The following MYO1E variants were observed in gnomAD, a reference collection of about 807,000 sequenced individuals.
The protein encoded by MYO1E is unconventional myosin-Ie.
In MYO1E, 68 loss-of-function variants were observed where a neutral mutation model predicts 151.1. That is an observed-to-expected ratio of 0.45 (90% CI 0.37 to 0.55). MYO1E has a LOEUF of 0.55. Ranked by LOEUF, MYO1E falls within the 20% of genes least tolerant of loss-of-function variation. The pLI is 0.00. For missense variants in MYO1E, 1,363 were observed against 1,389.3 expected, an observed-to-expected ratio of 0.98 and a Z score of 0.30; for synonymous variants, 601 against 501.7, an observed-to-expected ratio of 1.20 and a Z score of -2.64.
chr15:59,300,380 G>C (rs2140403175), intron 1 of MYO1E, among the ~76,000 whole-genome samples: 1 of 152,160 alleles, frequency 6.6e-6, no homozygotes, highest in Admixed American at 6.5e-5. Flanking sequence ...CATTTCTGGT[G>C]TGCACACACA....
intron 1 of MYO1E, chr15:59,359,615 T>TA (rs2080874571): frequency 6.6e-6 from 1 of 152,376 alleles, no homozygotes; most frequent in African/African-American, 2.4e-5. Context: ...ACCTCATCTC[T>TA]AAAAAGAGGA....
intron 1 of MYO1E, among the ~76,000 whole-genome samples, chr15:59,347,571 A>G: frequency 6.6e-6 from 1 of 152,334 alleles, no homozygotes; most frequent in East Asian, 1.9e-4. Flanking sequence ...TGCCAAAAAT[A>G]AAAATTAAAA....
Position 59,188,167 on chromosome 15 carries a change from T to C in MYO1E, c.1855A>G (p.Arg619Gly). Reference sequence around the variant, plus strand: ...CGCCGATAGGCATAGCCAGCTCTTCTCACTCGAATGTTCTCTTTCAGACCC... The same window carrying C: ...CGCCGATAGGCATAGCCAGCTCTTCCCACTCGAATGTTCTCTTTCAGACCC... ...YLGLKENIRV[R>G]RAGYAYRRIF... The change falls in exon 18 of 28, where the codon AGA (arginine) becomes GGA (glycine). Residue 619 changes from arginine (R) to glycine (G), a missense_variant. Arg to Gly is a moderately radical substitution (Grantham distance 125, BLOSUM62 -2). Coordinates refer to ENST00000288235, the MANE Select transcript of MYO1E (RefSeq NM_004998.4). The C allele has an allele frequency of 6.2e-7, 1 of 1,614,208 alleles. No homozygotes were observed. Among genetic ancestry groups the C allele is most frequent in the East Asian group, 2.2e-5 (1 of 44,888 alleles).
In MYO1E at chr15:59,371,368, A is replaced by C. The variant is rs375274979; in HGVS notation, c.3+1130T>G. Reference sequence around the variant, plus strand: ...AACAACAGCAAACCAGAAGAGGACGAGATAATCCACCTAAGCAGGACTACT... The same window carrying C: ...AACAACAGCAAACCAGAAGAGGACGCGATAATCCACCTAAGCAGGACTACT... On this transcript the variant is annotated intron_variant, in intron 1 of 27. Transcript: ENST00000288235. Among the ~76,000 whole-genome samples, 80 of 152,244 alleles carry C rather than the reference A, an allele frequency of 5.3e-4. 2 individuals are homozygous for C. The highest frequency in any genetic ancestry group is 4.8e-3 in the South Asian group (23 of 4,824).
At chr15:59,228,704 C>T (rs1596375621) in intron 6 of MYO1E, among the ~76,000 whole-genome samples, 1 of 152,114 alleles carries the variant, frequency 6.6e-6, no homozygotes, top group Non-Finnish European at 1.5e-5. Context: ...ATCGCATTCA[C>T]ATTTAATAAC....
At chr15:59,171,620 T>C (rs1371127294) in intron 22 of MYO1E, among the ~76,000 whole-genome samples, 1 of 152,122 alleles carries the variant, frequency 6.6e-6, no homozygotes, top group Non-Finnish European at 1.5e-5. Context: ...ATATACCGGG[T>C]TCATTTCTAA....
At chr15:59,367,827 A>G (rs2080923043) in intron 1 of MYO1E, among the ~76,000 whole-genome samples, 1 of 152,164 alleles carries the variant, frequency 6.6e-6, no homozygotes, top group Non-Finnish European at 1.5e-5. Flanking sequence ...TCACATATAA[A>G]AATTGGCAGA....
rs781481425 is a variant in MYO1E, at chr15:59,224,686, T to C, written c.777+3A>G. 9.9e-6 allele frequency: 16 copies of C among 1,614,188 alleles called. No individual in the cohort carries two copies. The South Asian group carries it at 1.2e-4, about 12-fold the overall frequency. The stretch of plus-strand genomic sequence containing the variant: ...TCCTGCCTGGCCCTGCGCCAGCACT[T>C]ACCAGAGTTTCCTGAAACTCCCGCC... On this transcript the variant is annotated splice_donor_region_variant and intron_variant, in intron 8 of 27. Transcript: ENST00000288235.
In MYO1E at chr15:59,320,080, C is replaced by CA. The variant is rs534908002; in HGVS notation, c.4-47632dup. Among the ~76,000 whole-genome samples, 1,312 of 152,006 alleles carry CA rather than the reference C, an allele frequency of 8.6e-3. 10 individuals carry two copies. Among genetic ancestry groups the CA allele is most frequent in the Middle Eastern group, 0.024 (7 of 294 alleles). ...AAGAATGCAATCCCATTGACAATAG[C>CA]AAAAAAACTAAAATACTTAGGAATA... On this transcript the variant is annotated intron_variant, in intron 1 of 27. Transcript: ENST00000288235.
intron 26 of MYO1E, among the ~76,000 whole-genome samples, chr15:59,150,835 CA>C (rs1360297927): frequency 6.6e-6 from 1 of 152,156 alleles, no homozygotes; most frequent in Non-Finnish European, 1.5e-5. Context: ...CCCAGACCTA[CA>C]GAATCAGAAA....
chr15:59,256,171 A>C, intron 4 of MYO1E, 113 bp downstream of exon 4: 1 of 779,272 alleles, frequency 1.3e-6, no homozygotes, highest in South Asian at 1.4e-5. Context: ...CAGACACATT[A>C]ACCAGGCTGT....
Position 59,153,807 on chromosome 15 carries a change from GA to G in MYO1E, c.2879-17del. 1 of 1,607,560 alleles carries G rather than the reference GA, an allele frequency of 6.2e-7. No individual in the cohort carries two copies. Among genetic ancestry groups the G allele is most frequent in the Non-Finnish European group, 8.5e-7 (1 of 1,174,032 alleles). ...TGATGGTATCCTAGAGAGAGGAACA[GA>G]GAAGGAAATAAGGCTCAGATTTTTG... On this transcript the variant is annotated splice_polypyrimidine_tract_variant and intron_variant, in intron 25 of 27. Transcript: ENST00000288235.
intron 12 of MYO1E, 55 bp downstream of exon 12, chr15:59,214,173 T>G (rs116040673): frequency 7.0e-7 from 1 of 1,434,984 alleles, no homozygotes; most frequent in African/African-American, 1.4e-5. Context: ...ATCTATACCC[T>G]CTTAAACAAA....
chr15:59,150,374 T>G (rs1456599826), intron 26 of MYO1E, among the ~76,000 whole-genome samples: 1 of 152,202 alleles, frequency 6.6e-6, no homozygotes, highest in African/African-American at 2.4e-5. Flanking sequence ...GGGAGCAGCC[T>G]TGGTTAAGAC....
intron 1 of MYO1E, among the ~76,000 whole-genome samples, chr15:59,360,714 G>A (rs528675557): frequency 1.3e-5 from 2 of 152,142 alleles, no homozygotes; most frequent in South Asian, 2.1e-4. Flanking sequence ...CTTCAGCTCC[G>A]ATTCCTCATG....
chr15:59,138,067 A>G, intron 27 of MYO1E, 131 bp downstream of exon 27: 1 of 1,103,044 alleles, frequency 9.1e-7, no homozygotes, highest in Non-Finnish European at 1.4e-6. Flanking sequence ...ACTGAGCCTG[A>G]GGCCTGACCT....
chr15:59,161,026 C>T lies in MYO1E; in HGVS notation c.2785+47G>A, dbSNP rs372543356. ...GTTTGCAGCATTTGCTCGGGAGACT[C>T]GGGGGAGCGGCGGCAGTTCTGCCTG... On this transcript the variant is annotated intron_variant, in intron 24 of 27. Coordinates refer to ENST00000288235, the MANE Select transcript of MYO1E (RefSeq NM_004998.4). 2.4e-5 allele frequency: 38 copies of T among 1,610,358 alleles called. 1 individual carries two copies. The highest frequency in any genetic ancestry group is 1.6e-4 in the South Asian group (15 of 90,940).
intron 1 of MYO1E, among the ~76,000 whole-genome samples, chr15:59,337,659 C>T (rs2080737391): frequency 1.3e-5 from 2 of 152,128 alleles, no homozygotes; most frequent in South Asian, 2.1e-4. Context: ...GGAGAAACCC[C>T]GTCTCTACTA....
chr15:59,278,264 G>A (rs1023323686), intron 1 of MYO1E, among the ~76,000 whole-genome samples: 25 of 152,186 alleles, frequency 1.6e-4, no homozygotes, highest in African/African-American at 6.0e-4. Flanking sequence ...AATGCCCCCA[G>A]TGTTATAAGT....
Sources: allele counts gnomAD v4.1 joint callset (sites outside exome capture counted in the v4.1 genomes callset), GRCh38; gene constraint gnomAD v4.1.1; transcripts MANE v1.5; gene names NCBI Gene and HGNC (gene_info 2026-07-23, HGNC 2026-07-21).